The following XKR6 variants were observed in gnomAD, a reference collection of about 807,000 sequenced individuals.
XKR6 encodes the protein XK related 6, also known as XK-related protein 6.
In XKR6, 22 loss-of-function variants were observed where a neutral mutation model predicts 56.7. The observed-to-expected ratio is 0.39, with a 90% CI of 0.28 to 0.55. XKR6 has a LOEUF of 0.55. Among genes scored for constraint, XKR6 ranks in the 20% least tolerant of loss-of-function variants. The pLI, the probability that XKR6 is intolerant of heterozygous loss-of-function variation, is 0.66. For missense variants in XKR6, 852 were observed against 889.0 expected, an observed-to-expected ratio of 0.96 and a Z score of 0.53; for synonymous variants, 524 against 387.8, an observed-to-expected ratio of 1.35 and a Z score of -4.13.
chr8:10,903,056 A>T (rs956248098), intron 2 of XKR6, among the ~76,000 whole-genome samples: 4 of 152,158 alleles, frequency 2.6e-5, no homozygotes, highest in African/African-American at 9.7e-5. Context: ...TTTCTACTGG[A>T]TGCTCAACAG....
chr8:11,104,304 T>C (rs879794385), intron 1 of XKR6, among the ~76,000 whole-genome samples: 1 of 152,172 alleles, frequency 6.6e-6, no homozygotes, highest in Non-Finnish European at 1.5e-5. Flanking sequence ...CCGGCATCCA[T>C]TGAGGAAGAG....
chr8:10,958,716 T>C (rs1801970862), intron 1 of XKR6, among the ~76,000 whole-genome samples: 1 of 152,166 alleles, frequency 6.6e-6, no homozygotes, highest in Non-Finnish European at 1.5e-5. Flanking sequence ...CTGCAGTTTC[T>C]CAACTGTAAA....
At chr8:11,066,239 C>A (rs1285799994) in intron 1 of XKR6, among the ~76,000 whole-genome samples, 1 of 152,244 alleles carries the variant, frequency 6.6e-6, no homozygotes, top group East Asian at 1.9e-4. Context: ...CACCCCCTCT[C>A]TCCTGTCAAA....
chr8:11,068,078 A>C (rs894177632), intron 1 of XKR6, among the ~76,000 whole-genome samples: 2 of 152,066 alleles, frequency 1.3e-5, no homozygotes, highest in Admixed American at 1.3e-4. Context: ...TCAGCACCTG[A>C]CTCAATAGTG....
At position 11,189,535 on chromosome 8, in the gene XKR6, G is replaced by A. The variant is rs556462294; in HGVS notation, c.764+11041C>T. On this transcript the variant is annotated intron_variant, in intron 1 of 2. Transcript: ENST00000416569. ...TACTGGTAATCCATTAGAATCACCTGAGGACCTTCTTTTATCCATTCCGCC... is the reference window on the plus strand; with the variant it reads ...TACTGGTAATCCATTAGAATCACCTAAGGACCTTCTTTTATCCATTCCGCC... 2.2e-3 allele frequency among the ~76,000 whole-genome samples: 332 copies of A among 152,306 alleles called. 1 individual carries two copies. Among genetic ancestry groups the A allele is most frequent in the African/African-American group, 7.6e-3 (314 of 41,552 alleles).
intron 1 of XKR6, among the ~76,000 whole-genome samples, chr8:11,032,854 C>G (rs914779689): frequency 3.9e-5 from 6 of 152,310 alleles, no homozygotes; most frequent in Middle Eastern, 3.4e-3. Flanking sequence ...TGGCCCTCCC[C>G]TCATGAGCAC....
At chr8:11,005,898 T>C (rs939462414) in intron 1 of XKR6, among the ~76,000 whole-genome samples, 7 of 144,500 alleles carry the variant, frequency 4.8e-5, no homozygotes, top group South Asian at 2.3e-4. Context: ...GGCTAGAGCA[T>C]AGTGGCACAT....
intron 2 of XKR6, among the ~76,000 whole-genome samples, chr8:10,919,971 T>C (rs537679800): frequency 6.6e-6 from 1 of 152,314 alleles, no homozygotes; most frequent in Non-Finnish European, 1.5e-5. Context: ...TCTGTATTTA[T>C]AGGGAAATTG....
chr8:11,088,767 T>G (rs557422933), intron 1 of XKR6, among the ~76,000 whole-genome samples: 7 of 152,236 alleles, frequency 4.6e-5, no homozygotes, highest in Non-Finnish European at 1.0e-4. Flanking sequence ...CTCCTGTAAG[T>G]GCAAGGCATT....
intron 1 of XKR6, among the ~76,000 whole-genome samples, chr8:11,037,555 A>C (rs1242082264): frequency 6.6e-6 from 1 of 152,166 alleles, no homozygotes; most frequent in African/African-American, 2.4e-5. Context: ...ACTGTGTTAC[A>C]CGCATGTAAA....
At chr8:11,102,446 T>G (rs929466610) in intron 1 of XKR6, among the ~76,000 whole-genome samples, 4 of 152,116 alleles carry the variant, frequency 2.6e-5, no homozygotes, top group African/African-American at 9.7e-5. Flanking sequence ...CTTCTCAAGT[T>G]CCCCTACCGA....
In XKR6 at chr8:10,897,613, T is replaced by G; in HGVS notation, c.*339A>C. ...AAAACTTTTTTTTTTTCTTTTGGAG[T>G]GGAGATAACTCCTCCTTCTCCACCC... On this transcript the variant is annotated 3_prime_UTR_variant, in exon 3 of 3. Transcript: ENST00000416569. 1 of 205,880 alleles carries G rather than the reference T, an allele frequency of 4.9e-6. No individual in the cohort carries two copies. Among genetic ancestry groups the G allele is most frequent in the Non-Finnish European group, 9.6e-6 (1 of 103,826 alleles). 12.8% of individuals were successfully genotyped at this position (205,880 alleles called of 1,614,324 possible). A position where few individuals can be genotyped will look rare whatever the true frequency, so the allele number is the denominator to read the frequency against.
At chr8:10,925,412 G>A (rs1019365220) in intron 1 of XKR6, among the ~76,000 whole-genome samples, 38 of 152,164 alleles carry the variant, frequency 2.5e-4, no homozygotes, top group Admixed American at 5.9e-4. Context: ...GGCTCCTGTC[G>A]CCGGATAGTG....
chr8:10,977,306 T>C (rs529785942), intron 1 of XKR6, among the ~76,000 whole-genome samples: 4 of 152,140 alleles, frequency 2.6e-5, no homozygotes, highest in South Asian at 4.2e-4. Context: ...CAAGGGTCCA[T>C]TGGTCTCCCC....
chr8:10,972,716 C>T (rs778704320), intron 1 of XKR6, among the ~76,000 whole-genome samples: 12 of 151,994 alleles, frequency 7.9e-5, no homozygotes, highest in Non-Finnish European at 1.2e-4. Flanking sequence ...AAAGTGGGGA[C>T]TGGGGAGTCA....
At chr8:11,175,497 C>G (rs558249655) in intron 1 of XKR6, 2 of 153,178 alleles carry the variant, frequency 1.3e-5, no homozygotes, top group African/African-American at 4.8e-5. Context: ...GTTCCTAAAT[C>G]AGAAGAAGAG....
intron 1 of XKR6, among the ~76,000 whole-genome samples, chr8:10,979,831 G>T (rs74617616): frequency 0.031 from 4,733 of 152,262 alleles, 247 homozygotes; most frequent in African/African-American, 0.11. Context: ...GTGCCGTCAC[G>T]CACAGACTCC....
At chr8:10,997,746 G>C (rs951567045) in intron 1 of XKR6, among the ~76,000 whole-genome samples, 3 of 152,142 alleles carry the variant, frequency 2.0e-5, no homozygotes, top group Non-Finnish European at 4.4e-5. Context: ...AATGAAGAAT[G>C]ATGAAGACAA....
At chr8:11,016,691 CGCCTCT>C in intron 1 of XKR6, among the ~76,000 whole-genome samples, 1 of 152,200 alleles carries the variant, frequency 6.6e-6, no homozygotes, top group Non-Finnish European at 1.5e-5. Flanking sequence ...GCCCCGCCTC[CGCCTCT>C]GCCTCCGCGG....
Sources: allele counts gnomAD v4.1 joint callset (sites outside exome capture counted in the v4.1 genomes callset), GRCh38; gene constraint gnomAD v4.1.1; transcripts MANE v1.5; gene names NCBI Gene and HGNC (gene_info 2026-07-23, HGNC 2026-07-21).